Variants in GPC6 observed in about 807,000 individuals in gnomAD.
GPC6 encodes glypican-6.
In GPC6, 14 loss-of-function variants were observed where a neutral mutation model predicts 55.2. The ratio of observed to expected loss-of-function variants is 0.25; its 90% confidence interval spans 0.17 to 0.40. The LOEUF (loss-of-function observed/expected upper bound fraction) is 0.40. Ranked by LOEUF, GPC6 falls within the 10% of genes least tolerant of loss-of-function variation. The pLI, the probability that GPC6 is intolerant of heterozygous loss-of-function variation, is 1.00. For missense variants in GPC6, 641 were observed against 708.5 expected, an observed-to-expected ratio of 0.90 and a Z score of 1.08; for synonymous variants, 278 against 259.6, an observed-to-expected ratio of 1.07 and a Z score of -0.68.
chr13:93,243,929 G>C lies in GPC6; in HGVS notation c.160+16313G>C, dbSNP rs1489616955. Among the ~76,000 whole-genome samples, 4 of 152,076 alleles carry C rather than the reference G, an allele frequency of 2.6e-5. 1 individual carries two copies. Among genetic ancestry groups the C allele is most frequent in the Admixed American group, 6.5e-5 (1 of 15,270 alleles). On this transcript the variant is annotated intron_variant, in intron 1 of 8. Coordinates refer to ENST00000377047, the MANE Select transcript of GPC6 (RefSeq NM_005708.5). Reference sequence around the variant, plus strand: ...GCTTGGCCTGTGTTATTCAGGGGAAGCACTCAGATGTTGCTGGTGATGGGC... The same window carrying C: ...GCTTGGCCTGTGTTATTCAGGGGAACCACTCAGATGTTGCTGGTGATGGGC...
chr13:93,257,452 C>T (rs1876993708), intron 1 of GPC6, among the ~76,000 whole-genome samples: 1 of 152,264 alleles, frequency 6.6e-6, no homozygotes, highest in African/African-American at 2.4e-5. Flanking sequence ...TTGAAGGTCA[C>T]CCATTAATGA....
intron 7 of GPC6, among the ~76,000 whole-genome samples, chr13:94,383,084 A>G (rs1880242864): frequency 1.3e-5 from 2 of 152,206 alleles, no homozygotes; most frequent in Admixed American, 6.5e-5. Context: ...CCTCCTGACA[A>G]GAGACAGCAG....
intron 4 of GPC6, among the ~76,000 whole-genome samples, chr13:94,196,170 T>C (rs1889568692): frequency 6.6e-6 from 1 of 151,848 alleles, no homozygotes; most frequent in African/African-American, 2.4e-5. Flanking sequence ...ACAATTAACT[T>C]GAATAACCTT....
chr13:94,127,693 A>T (rs1344539258), intron 4 of GPC6, among the ~76,000 whole-genome samples: 1 of 152,172 alleles, frequency 6.6e-6, no homozygotes, highest in Non-Finnish European at 1.5e-5. Flanking sequence ...ATTTTGCTAA[A>T]TTATTGCTAT....
chr13:93,684,700 TCA>T (rs1296943343), intron 2 of GPC6, among the ~76,000 whole-genome samples: 1 of 152,094 alleles, frequency 6.6e-6, no homozygotes, highest in Admixed American at 6.6e-5. Flanking sequence ...TACCTGACAC[TCA>T]GTTGGAACTT....
chr13:93,572,893 T>C (rs1454625074), intron 2 of GPC6, among the ~76,000 whole-genome samples: 1 of 152,132 alleles, frequency 6.6e-6, no homozygotes, highest in Admixed American at 6.6e-5. Context: ...AAGAACTAAA[T>C]TGGCATAGAA....
intron 2 of GPC6, among the ~76,000 whole-genome samples, chr13:93,604,374 C>T (rs1337398971): frequency 3.3e-5 from 5 of 152,080 alleles, no homozygotes; most frequent in South Asian, 4.2e-4. Flanking sequence ...GATGGGAATT[C>T]GATGAGGAAG....
chr13:93,567,213 A>G (rs576610542), intron 2 of GPC6, among the ~76,000 whole-genome samples: 3 of 152,292 alleles, frequency 2.0e-5, no homozygotes, highest in South Asian at 2.1e-4. Context: ...TAATAATACA[A>G]TATGTGCTGT....
intron 3 of GPC6, among the ~76,000 whole-genome samples, chr13:94,009,964 C>G: frequency 6.6e-6 from 1 of 152,088 alleles, no homozygotes; most frequent in Admixed American, 6.6e-5. Flanking sequence ...CTGGAAATTT[C>G]AGAAAAAGTA....
intron 3 of GPC6, among the ~76,000 whole-genome samples, chr13:93,886,603 A>G (rs571974378): frequency 1.3e-5 from 2 of 152,110 alleles, no homozygotes; most frequent in South Asian, 2.1e-4. Context: ...AGGGTAAGGT[A>G]CACTACCCAT....
At chr13:93,799,116 C>T (rs185980149) in intron 2 of GPC6, among the ~76,000 whole-genome samples, 3 of 152,140 alleles carry the variant, frequency 2.0e-5, no homozygotes, top group African/African-American at 7.2e-5. Flanking sequence ...TTCACATTCA[C>T]CGTGTAATCA....
At chr13:93,322,636 C>G (rs1289495438) in intron 1 of GPC6, among the ~76,000 whole-genome samples, 1 of 151,774 alleles carries the variant, frequency 6.6e-6, no homozygotes, top group East Asian at 1.9e-4. Flanking sequence ...GATGGGGTTT[C>G]ACCATGTTGG....
At chr13:94,248,429 C>A (rs961711616) in intron 4 of GPC6, among the ~76,000 whole-genome samples, 3 of 152,066 alleles carry the variant, frequency 2.0e-5, no homozygotes, top group Non-Finnish European at 2.9e-5. Flanking sequence ...CATCATAGAA[C>A]CTTATGTCCC....
At chr13:93,986,419 A>G (rs1881033311) in intron 3 of GPC6, among the ~76,000 whole-genome samples, 1 of 152,226 alleles carries the variant, frequency 6.6e-6, no homozygotes, top group Non-Finnish European at 1.5e-5. Context: ...CTGAACAAAG[A>G]TGAAGCAGGG....
chr13:93,748,520 T>A (rs1884476482), intron 2 of GPC6, among the ~76,000 whole-genome samples: 1 of 152,116 alleles, frequency 6.6e-6, no homozygotes, highest in Non-Finnish European at 1.5e-5. Flanking sequence ...ACATTTCTAA[T>A]TCTATATTTT....
chr13:94,261,512 GAA>G (rs1891657874), intron 4 of GPC6, among the ~76,000 whole-genome samples: 1 of 152,232 alleles, frequency 6.6e-6, no homozygotes, highest in Admixed American at 6.5e-5. Context: ...GAGGTCAGTA[GAA>G]ATAGAAATTT....
intron 1 of GPC6, among the ~76,000 whole-genome samples, chr13:93,377,349 A>G (rs1474999781): frequency 6.6e-6 from 1 of 152,236 alleles, no homozygotes; most frequent in Non-Finnish European, 1.5e-5. Context: ...GAGACGAGAC[A>G]CACATGTGCA....
chr13:94,223,057 C>T (rs942098998), intron 4 of GPC6, among the ~76,000 whole-genome samples: 1 of 152,058 alleles, frequency 6.6e-6, no homozygotes, highest in African/African-American at 2.4e-5. Context: ...CTATAATTTC[C>T]TCTTCTCATT....
At chr13:93,825,294 G>T (rs552787349) in intron 2 of GPC6, among the ~76,000 whole-genome samples, 12 of 152,268 alleles carry the variant, frequency 7.9e-5, no homozygotes, top group Non-Finnish European at 1.5e-4. Flanking sequence ...ACAATATACA[G>T]CACAGTGCTC....
Sources: gnomAD v4.1 joint callset for allele counts (sites outside exome capture counted in the v4.1 genomes callset) on GRCh38, gnomAD v4.1.1 for gene constraint, MANE v1.5 for transcripts, NCBI Gene and HGNC (gene_info 2026-07-23, HGNC 2026-07-21) for gene names.